SLC35F1: variants seen among roughly 807,000 people sequenced by gnomAD.
SLC35F1 encodes solute carrier family 35 member F1, also known as chromosome 6 open reading frame 169.
A neutral mutation model predicts 48.7 loss-of-function variants in SLC35F1; 14 were observed. That is an observed-to-expected ratio of 0.29 (90% CI 0.19 to 0.45). SLC35F1 has a LOEUF of 0.45. Ranked by LOEUF, SLC35F1 falls within the 20% of genes least tolerant of loss-of-function variation. The pLI is 1.00. For missense variants in SLC35F1, 404 were observed against 500.0 expected (o/e 0.81, Z 1.83); for synonymous variants, 190 against 202.2 (o/e 0.94, Z 0.51).
At chr6:118,039,277 A>AT (rs150257537) in intron 1 of SLC35F1, among the ~76,000 whole-genome samples, 3,423 of 151,344 alleles carry the variant, frequency 0.023, 80 homozygotes, top group African/African-American at 0.053. Context: ...TCATGTCAAG[A>AT]TTTTTTTTTC....
chr6:118,226,702 G>A (rs1464995196), intron 2 of SLC35F1, among the ~76,000 whole-genome samples: 2 of 152,132 alleles, frequency 1.3e-5, no homozygotes, highest in Admixed American at 6.5e-5. Context: ...CCAGACGCTG[G>A]GAAGAGTAGA....
At chr6:118,181,884 T>C (rs1774582976) in intron 2 of SLC35F1, among the ~76,000 whole-genome samples, 1 of 152,150 alleles carries the variant, frequency 6.6e-6, no homozygotes. Context: ...TAAACAATCC[T>C]AAGCCTGTAA....
At chr6:118,017,886 G>A (rs1287800377) in intron 1 of SLC35F1, among the ~76,000 whole-genome samples, 2 of 152,120 alleles carry the variant, frequency 1.3e-5, no homozygotes, top group Non-Finnish European at 2.9e-5. Flanking sequence ...TGCTTTTAAA[G>A]TCCTCCAGCA....
At chr6:118,065,411 G>A (rs1772598398) in intron 1 of SLC35F1, among the ~76,000 whole-genome samples, 1 of 152,078 alleles carries the variant, frequency 6.6e-6, no homozygotes, top group South Asian at 2.1e-4. Context: ...GCCTATGTCA[G>A]GCTGTACTCA....
intron 2 of SLC35F1, among the ~76,000 whole-genome samples, chr6:118,193,161 C>T (rs1201134493): frequency 6.6e-6 from 1 of 152,154 alleles, no homozygotes; most frequent in Non-Finnish European, 1.5e-5. Flanking sequence ...AACCACATTT[C>T]ACCCTTGCAT....
At chr6:118,274,629 G>A (rs1051484734) in intron 4 of SLC35F1, among the ~76,000 whole-genome samples, 2 of 152,090 alleles carry the variant, frequency 1.3e-5, no homozygotes, top group Non-Finnish European at 2.9e-5. Context: ...AACTCCTGAT[G>A]TCAGGTGATC....
intron 1 of SLC35F1, among the ~76,000 whole-genome samples, chr6:118,029,329 G>A (rs1772006070): frequency 6.6e-6 from 1 of 152,070 alleles, no homozygotes; most frequent in Non-Finnish European, 1.5e-5. Flanking sequence ...AGTCTACCAT[G>A]GTTGTAAAAT....
Position 118,315,464 on chromosome 6 carries a change from G to T in SLC35F1, c.*1212G>T, listed in dbSNP as rs1776421390. Reference sequence around the variant, plus strand: ...TTTTTTTTTTTTTTTTTTTGAGACGGAGTCTCACTCTGTCGCCCAGGCTGG... The same window carrying T: ...TTTTTTTTTTTTTTTTTTTGAGACGTAGTCTCACTCTGTCGCCCAGGCTGG... On this transcript the variant is annotated 3_prime_UTR_variant, in exon 8 of 8. Transcript: ENST00000360388. 7.6e-6 allele frequency: 1 copy of T among 132,390 alleles called. No individual in the cohort carries two copies. The highest frequency in any genetic ancestry group is 1.6e-5 in the Non-Finnish European group (1 of 64,322). The allele number at this position is 132,390 out of a possible 1,614,324, so 8.2% of individuals were successfully genotyped here.
intron 1 of SLC35F1, among the ~76,000 whole-genome samples, chr6:117,966,153 C>CCCCCCCCT (rs1562250393): frequency 7.4e-6 from 1 of 134,774 alleles, no homozygotes; most frequent in Non-Finnish European, 1.6e-5. Context: ...ACTCCCGCCC[C>CCCCCCCCT]GCCCCAAGCA....
intron 2 of SLC35F1, among the ~76,000 whole-genome samples, chr6:118,228,054 T>C (rs1272264075): frequency 6.6e-6 from 1 of 152,228 alleles, no homozygotes; most frequent in African/African-American, 2.4e-5. Flanking sequence ...AGCCTGTGGC[T>C]AAACTCAGGT....
intron 7 of SLC35F1, among the ~76,000 whole-genome samples, chr6:118,313,495 C>T (rs901189071): frequency 1.3e-5 from 2 of 152,162 alleles, no homozygotes; most frequent in Admixed American, 1.3e-4. Flanking sequence ...ATAATCTAAT[C>T]TTGCAAAGAT....
intron 1 of SLC35F1, among the ~76,000 whole-genome samples, chr6:118,083,096 T>A (rs952807629): frequency 1.3e-5 from 2 of 152,200 alleles, no homozygotes; most frequent in African/African-American, 4.8e-5. Flanking sequence ...AAAATTCTAG[T>A]GTTGATTAAA....
intron 1 of SLC35F1, among the ~76,000 whole-genome samples, chr6:118,096,916 A>T (rs1489473013): frequency 6.6e-6 from 1 of 152,176 alleles, no homozygotes; most frequent in African/African-American, 2.4e-5. Flanking sequence ...AACAGAATTG[A>T]TCATGGAATC....
intron 1 of SLC35F1, among the ~76,000 whole-genome samples, chr6:117,922,568 A>C (rs1394798072): frequency 1.3e-5 from 2 of 152,000 alleles, no homozygotes; most frequent in Non-Finnish European, 2.9e-5. Context: ...AGTATATTTT[A>C]ATTTAGTTAA....
At chr6:118,035,369 T>C (rs905398408) in intron 1 of SLC35F1, among the ~76,000 whole-genome samples, 8 of 151,664 alleles carry the variant, frequency 5.3e-5, no homozygotes, top group African/African-American at 1.9e-4. Flanking sequence ...CACTTTGAGA[T>C]GCCAAGGTGA....
intron 1 of SLC35F1, among the ~76,000 whole-genome samples, chr6:117,982,379 C>T (rs1404590170): frequency 6.6e-6 from 1 of 152,156 alleles, no homozygotes; most frequent in East Asian, 1.9e-4. Context: ...TTTTGACTAG[C>T]ATTGAAGCCT....
chr6:117,907,988 G>A, intron 1 of SLC35F1, 89 bp downstream of exon 1: 3 of 1,204,314 alleles, frequency 2.5e-6, no homozygotes, highest in Non-Finnish European at 3.1e-6. Context: ...CGGCCCACGG[G>A]TCCTTTGGGA....
At chr6:117,985,595 C>G (rs1447176188) in intron 1 of SLC35F1, among the ~76,000 whole-genome samples, 1 of 109,830 alleles carries the variant, frequency 9.1e-6, no homozygotes, top group East Asian at 2.8e-4. Context: ...CATTGAATAC[C>G]TGTAGTTGAG....
At chr6:118,180,636 A>C (rs1243420574) in intron 2 of SLC35F1, among the ~76,000 whole-genome samples, 1 of 152,154 alleles carries the variant, frequency 6.6e-6, no homozygotes, top group African/African-American at 2.4e-5. Context: ...ACTGAAAGTT[A>C]GTTCTTCAGA....
Sources: gnomAD v4.1 joint callset for allele counts (sites outside exome capture counted in the v4.1 genomes callset) on GRCh38, gnomAD v4.1.1 for gene constraint, MANE v1.5 for transcripts, NCBI Gene and HGNC (gene_info 2026-07-23, HGNC 2026-07-21) for gene names.